CHSY3: variants seen among roughly 807,000 people sequenced by gnomAD.
The protein encoded by CHSY3 is chondroitin sulfate synthase 3, also known as N-acetylgalactosaminyl-proteoglycan 3-beta-glucuronosyltransferase 3.
A neutral mutation model predicts 67.2 loss-of-function variants in CHSY3; 35 were observed. The ratio of observed to expected loss-of-function variants is 0.52; its 90% confidence interval spans 0.40 to 0.69. CHSY3 has a LOEUF of 0.69. CHSY3 is among the 30% of genes least tolerant of loss of function. The pLI, the probability that CHSY3 is intolerant of heterozygous loss-of-function variation, is 0.00. For synonymous variants in CHSY3, 474 were observed against 434.7 expected, an observed-to-expected ratio of 1.09 and a Z score of -1.12; for missense variants, 1,069 against 1,138.5, an observed-to-expected ratio of 0.94 and a Z score of 0.88.
intron 1 of CHSY3, among the ~76,000 whole-genome samples, chr5:129,906,338 G>T (rs565586686): frequency 1.3e-5 from 2 of 152,168 alleles, no homozygotes; most frequent in East Asian, 3.9e-4. Context: ...TGAGAGGATG[G>T]GCATGTTGTA....
chr5:130,008,911 TAAAG>T (rs1466667506), intron 2 of CHSY3, among the ~76,000 whole-genome samples: 3 of 150,936 alleles, frequency 2.0e-5, no homozygotes, highest in Non-Finnish European at 3.0e-5. Context: ...CAGACAAAAA[TAAAG>T]AAAAAAGAAT....
At chr5:130,032,054 A>T (rs1413379240) in intron 2 of CHSY3, among the ~76,000 whole-genome samples, 1 of 152,116 alleles carries the variant, frequency 6.6e-6, no homozygotes, top group Non-Finnish European at 1.5e-5. Context: ...TAAAATCACA[A>T]CTTGTATTTC....
At chr5:130,164,272 T>C (rs1306692075) in intron 2 of CHSY3, among the ~76,000 whole-genome samples, 1 of 152,042 alleles carries the variant, frequency 6.6e-6, no homozygotes, top group Non-Finnish European at 1.5e-5. Flanking sequence ...AGGGTCCAGG[T>C]AATAAGAGGG....
At chr5:130,031,706 T>C (rs10039009) in intron 2 of CHSY3, among the ~76,000 whole-genome samples, 79,270 of 151,994 alleles carry the variant, frequency 0.52, 21,349 homozygotes, top group East Asian at 0.67. Context: ...ATAAAGTTGT[T>C]CATTCAACAT....
intron 2 of CHSY3, among the ~76,000 whole-genome samples, chr5:129,911,825 C>T (rs976468541): frequency 3.9e-5 from 6 of 152,010 alleles, no homozygotes; most frequent in African/African-American, 7.3e-5. Flanking sequence ...GGGAGGCTGA[C>T]GCGGGCGGAT....
intron 2 of CHSY3, among the ~76,000 whole-genome samples, chr5:130,164,105 G>C (rs1189708742): frequency 6.6e-6 from 1 of 152,202 alleles, no homozygotes; most frequent in African/African-American, 2.4e-5. Flanking sequence ...ATGGGCTCCA[G>C]AGCCCTGTTA....
intron 2 of CHSY3, among the ~76,000 whole-genome samples, chr5:130,021,734 A>C (rs1764396154): frequency 6.6e-6 from 1 of 152,170 alleles, no homozygotes; most frequent in Non-Finnish European, 1.5e-5. Context: ...GATAAACACT[A>C]TGTAAATTCG....
intron 2 of CHSY3, among the ~76,000 whole-genome samples, chr5:129,978,780 G>GA (rs1386317916): frequency 6.6e-6 from 1 of 151,742 alleles, no homozygotes; most frequent in African/African-American, 2.4e-5. Context: ...TAATCTACCC[G>GA]AAAAAGGAAA....
At chr5:130,063,337 T>C (rs1441874070) in intron 2 of CHSY3, among the ~76,000 whole-genome samples, 1 of 152,144 alleles carries the variant, frequency 6.6e-6, no homozygotes, top group Non-Finnish European at 1.5e-5. Context: ...TCATTTATAG[T>C]TCTACACTGA....
intron 2 of CHSY3, among the ~76,000 whole-genome samples, chr5:129,952,504 CTA>C (rs1261894444): frequency 2.0e-5 from 3 of 152,118 alleles, no homozygotes; most frequent in South Asian, 4.1e-4. Flanking sequence ...GCCTAATAAT[CTA>C]TGTTTTCACC....
chr5:130,126,202 T>A (rs58870661), intron 2 of CHSY3, among the ~76,000 whole-genome samples: 39 of 152,142 alleles, frequency 2.6e-4, no homozygotes, highest in African/African-American at 9.4e-4. Flanking sequence ...TAAGTATGTG[T>A]GTATTGATTT....
intron 2 of CHSY3, among the ~76,000 whole-genome samples, chr5:129,918,063 T>C (rs1337919255): frequency 6.6e-6 from 1 of 152,246 alleles, no homozygotes; most frequent in Non-Finnish European, 1.5e-5. Flanking sequence ...CACTTCTGCA[T>C]TTCTGTTCTT....
At chr5:130,066,275 A>G (rs1229752197) in intron 2 of CHSY3, among the ~76,000 whole-genome samples, 1 of 152,122 alleles carries the variant, frequency 6.6e-6, no homozygotes, top group Non-Finnish European at 1.5e-5. Context: ...GTATTATTTC[A>G]GAACACTCTG....
chr5:129,953,109 T>C (rs1762070474), intron 2 of CHSY3, among the ~76,000 whole-genome samples: 1 of 152,140 alleles, frequency 6.6e-6, no homozygotes, highest in African/African-American at 2.4e-5. Flanking sequence ...TAGGTATTTC[T>C]CCTAATGCTA....
chr5:129,991,021 A>G (rs906690891), intron 2 of CHSY3, among the ~76,000 whole-genome samples: 3 of 152,128 alleles, frequency 2.0e-5, no homozygotes, highest in African/African-American at 7.2e-5. Flanking sequence ...TTTTAGACAA[A>G]TAGAGCACCA....
intron 2 of CHSY3, among the ~76,000 whole-genome samples, chr5:130,042,028 G>A (rs1391702353): frequency 1.3e-5 from 2 of 151,912 alleles, no homozygotes; most frequent in Non-Finnish European, 2.9e-5. Context: ...TGAGTGCAGG[G>A]GTTCAAGACC....
intron 2 of CHSY3, among the ~76,000 whole-genome samples, chr5:130,178,253 A>ATTTTTTTTTTTTTTTTTTTT (rs10699248): frequency 2.2e-5 from 1 of 45,912 alleles, no homozygotes; most frequent in Non-Finnish European, 3.5e-5. Context: ...ATATATATAT[A>ATTTTTTTTTTTTTTTTTTTT]TTTTTTTTTT....
chr5:129,992,372 C>G (rs1472276944), intron 2 of CHSY3, among the ~76,000 whole-genome samples: 1 of 152,140 alleles, frequency 6.6e-6, no homozygotes, highest in Non-Finnish European at 1.5e-5. Context: ...TATTTATTTT[C>G]TAATAACATT....
chr5:130,136,680 A>T (rs1323961416), intron 2 of CHSY3, among the ~76,000 whole-genome samples: 1 of 152,204 alleles, frequency 6.6e-6, no homozygotes, highest in African/African-American at 2.4e-5. Flanking sequence ...TGAAGTAGAG[A>T]TTTTAATTAC....
Sources: allele counts gnomAD v4.1 joint callset (sites outside exome capture counted in the v4.1 genomes callset), GRCh38; gene constraint gnomAD v4.1.1; transcripts MANE v1.5; gene names NCBI Gene and HGNC (gene_info 2026-07-23, HGNC 2026-07-21).